CAPZB: variants seen among roughly 807,000 people sequenced by gnomAD.
CAPZB encodes the protein capping actin protein of muscle Z-line subunit beta.
A neutral mutation model predicts 38.1 loss-of-function variants in CAPZB; 2 were observed. That is an observed-to-expected ratio of 0.05 (90% CI 0.02 to 0.17). The LOEUF (loss-of-function observed/expected upper bound fraction) is 0.17. CAPZB is among the 10% of genes least tolerant of loss of function. The probability of loss-of-function intolerance (pLI) is 1.00; values close to 1 mark genes in which losing one functional copy is unlikely to be tolerated. For missense variants in CAPZB, 161 were observed against 334.2 expected (o/e 0.48, Z 4.04); for synonymous variants, 107 against 127.4 (o/e 0.84, Z 1.08).
chr1:19,405,541 CAAAAAAAAAAA>C (rs10577923), intron 2 of CAPZB, among the ~76,000 whole-genome samples: 4 of 96,516 alleles, frequency 4.1e-5, no homozygotes, highest in African/African-American at 1.8e-4. Flanking sequence ...TAGAAAGAGG[CAAAAAAAAAAA>C]AAAAAAAAAA....
At chr1:19,353,153 G>A (rs2094001113) in intron 6 of CAPZB, among the ~76,000 whole-genome samples, 1 of 152,238 alleles carries the variant, frequency 6.6e-6, no homozygotes, top group Non-Finnish European at 1.5e-5. Context: ...GGAAAGCTGA[G>A]GACCCATGGG....
intron 1 of CAPZB, among the ~76,000 whole-genome samples, chr1:19,460,202 G>A (rs1253506209): frequency 1.3e-5 from 2 of 152,256 alleles, no homozygotes; most frequent in Non-Finnish European, 1.5e-5. Flanking sequence ...CAGCCACAGT[G>A]TGTAGTAAGT....
At chr1:19,360,231 A>G (rs2100333999) in intron 4 of CAPZB, among the ~76,000 whole-genome samples, 1 of 152,168 alleles carries the variant, frequency 6.6e-6, no homozygotes, top group East Asian at 1.9e-4. Context: ...ACCTGCTAAT[A>G]CCCTTCCTGT....
At chr1:19,342,742 G>C in intron 8 of CAPZB, 1 of 1,575,794 alleles carries the variant, frequency 6.3e-7, no homozygotes, top group Non-Finnish European at 8.7e-7. Context: ...GCGGCTCTCA[G>C]GCAGGGTACC....
At chr1:19,455,781 A>G (rs1341086030) in intron 1 of CAPZB, among the ~76,000 whole-genome samples, 3 of 152,252 alleles carry the variant, frequency 2.0e-5, no homozygotes, top group Non-Finnish European at 4.4e-5. Flanking sequence ...ACACTGCCAC[A>G]TCCAGTACCA....
At chr1:19,426,207 A>G (rs1229109922) in intron 1 of CAPZB, among the ~76,000 whole-genome samples, 1 of 152,176 alleles carries the variant, frequency 6.6e-6, no homozygotes, top group Admixed American at 6.5e-5. Flanking sequence ...TTCTCCCCGC[A>G]GTTTTTTGCT....
intron 2 of CAPZB, among the ~76,000 whole-genome samples, chr1:19,386,910 AG>A (rs1474078646): frequency 1.3e-5 from 2 of 152,216 alleles, no homozygotes; most frequent in Non-Finnish European, 2.9e-5. Context: ...TACAGGTGTG[AG>A]CCCCCAGGCC....
rs1006288139 is a variant in CAPZB, at chr1:19,431,123, C to T, written c.4-11373G>A. On this transcript the variant is annotated intron_variant, in intron 1 of 8. Coordinates refer to ENST00000264202, the MANE Select transcript of CAPZB (RefSeq NM_004930.5). ...GAGACATCACATAATGGCAAATGAA[C>T]CATGACCAGAAAACAAATCTCTTTA... Among the ~76,000 whole-genome samples, 9 of 152,176 alleles carry T rather than the reference C, an allele frequency of 5.9e-5. No homozygotes were observed. The East Asian group carries it at 7.7e-4, about 13-fold the overall frequency.
intron 1 of CAPZB, among the ~76,000 whole-genome samples, chr1:19,443,133 T>A (rs963952292): frequency 2.0e-5 from 3 of 151,902 alleles, no homozygotes; most frequent in African/African-American, 7.3e-5. Context: ...ACGCCTGTAA[T>A]CACAGCACTT....
intron 1 of CAPZB, among the ~76,000 whole-genome samples, chr1:19,456,062 C>T (rs1284833368): frequency 6.6e-6 from 1 of 152,208 alleles, no homozygotes; most frequent in Admixed American, 6.5e-5. Context: ...CAGGCGCGCA[C>T]CATCATGTCT....
At chr1:19,408,882 T>A (rs2094345113) in intron 2 of CAPZB, among the ~76,000 whole-genome samples, 1 of 152,206 alleles carries the variant, frequency 6.6e-6, no homozygotes, top group East Asian at 1.9e-4. Context: ...TCCCTCCTAT[T>A]GAAGCAGCAG....
chr1:19,453,212 C>T (rs2094522368), intron 1 of CAPZB, among the ~76,000 whole-genome samples: 1 of 152,160 alleles, frequency 6.6e-6, no homozygotes, highest in Non-Finnish European at 1.5e-5. Flanking sequence ...GGCCCGGTGT[C>T]ACCGGGCCCC....
At chr1:19,423,625 A>G (rs2094410385) in intron 1 of CAPZB, among the ~76,000 whole-genome samples, 1 of 149,980 alleles carries the variant, frequency 6.7e-6, no homozygotes, top group East Asian at 2.0e-4. Context: ...CCTGGGCTCA[A>G]GCTATCCTCC....
intron 2 of CAPZB, among the ~76,000 whole-genome samples, chr1:19,408,914 C>G (rs1296444945): frequency 6.6e-6 from 1 of 152,210 alleles, no homozygotes; most frequent in Non-Finnish European, 1.5e-5. Context: ...AAGCAGTTCT[C>G]TATTTGCACA....
In CAPZB at chr1:19,375,706, C is replaced by A. The variant is rs185736671; in HGVS notation, c.329+2834G>T. Among the ~76,000 whole-genome samples, 7 of 152,268 alleles carry A rather than the reference C, an allele frequency of 4.6e-5. No individual in the cohort carries two copies. In the East Asian group the frequency reaches 1.4e-3, roughly 29 times the overall value. On this transcript the variant is annotated intron_variant, in intron 4 of 8. Coordinates refer to ENST00000264202, the MANE Select transcript of CAPZB (RefSeq NM_004930.5). ...AAGCCACCTTACAAATACACATTTCCCAGGGAAGGGAAAGGCTTCACCAGA... is the reference window on the plus strand; with the variant it reads ...AAGCCACCTTACAAATACACATTTCACAGGGAAGGGAAAGGCTTCACCAGA...
intron 6 of CAPZB, among the ~76,000 whole-genome samples, chr1:19,345,820 A>C (rs1569869801): frequency 1.3e-5 from 2 of 152,258 alleles, no homozygotes; most frequent in East Asian, 3.8e-4. Context: ...GCAGGTGGCA[A>C]TGGCAGAGCC....
chr1:19,374,662 T>A (rs1213668848), intron 4 of CAPZB, among the ~76,000 whole-genome samples: 3 of 152,206 alleles, frequency 2.0e-5, no homozygotes, highest in African/African-American at 7.2e-5. Flanking sequence ...GCAGGGTGGG[T>A]CTGGCTGAGG....
At chr1:19,404,575 G>A (rs1377284335) in intron 2 of CAPZB, among the ~76,000 whole-genome samples, 3 of 148,162 alleles carry the variant, frequency 2.0e-5, no homozygotes, top group Non-Finnish European at 4.5e-5. Flanking sequence ...GAGGTAATGG[G>A]AAAAATGCTC....
At chr1:19,470,866 C>A (rs2094584661) in intron 1 of CAPZB, among the ~76,000 whole-genome samples, 1 of 152,216 alleles carries the variant, frequency 6.6e-6, no homozygotes, top group East Asian at 1.9e-4. Flanking sequence ...ACGGTGCATG[C>A]AGAGGACCAG....
Sources: allele counts gnomAD v4.1 joint callset (sites outside exome capture counted in the v4.1 genomes callset), GRCh38; gene constraint gnomAD v4.1.1; transcripts MANE v1.5; gene names NCBI Gene and HGNC (gene_info 2026-07-23, HGNC 2026-07-21).